The following IGSF21 variants were observed in gnomAD, a reference collection of about 807,000 sequenced individuals.
The protein encoded by IGSF21 is immunoglobulin superfamily member 21.
Under a neutral mutation model 46.8 loss-of-function variants are expected in IGSF21, and 28 were observed. The ratio of observed to expected loss-of-function variants is 0.60; its 90% confidence interval spans 0.44 to 0.82. The LOEUF is 0.82. Ranked by LOEUF, IGSF21 falls within the 40% of genes least tolerant of loss-of-function variation. The pLI, the probability that IGSF21 is intolerant of heterozygous loss-of-function variation, is 0.00. For synonymous variants in IGSF21, 284 were observed against 273.6 expected, an observed-to-expected ratio of 1.04 and a Z score of -0.38; for missense variants, 624 against 665.5, an observed-to-expected ratio of 0.94 and a Z score of 0.69.
chr1:18,359,493 AAGGAAGGAAGG>A (rs768007124), intron 4 of IGSF21, among the ~76,000 whole-genome samples: 2 of 133,894 alleles, frequency 1.5e-5, no homozygotes, highest in Non-Finnish European at 3.2e-5. Flanking sequence ...GGAAGGAAGG[AAGGAAGGAAGG>A]AAGGAAGGAA....
chr1:18,354,598 A>G (rs542669893), intron 4 of IGSF21, among the ~76,000 whole-genome samples: 2 of 152,274 alleles, frequency 1.3e-5, no homozygotes, highest in South Asian at 2.1e-4. Context: ...TGCAAACAAT[A>G]TAATTTTGAA....
intron 1 of IGSF21, among the ~76,000 whole-genome samples, chr1:18,189,540 A>C (rs187257770): frequency 9.2e-5 from 14 of 152,078 alleles, no homozygotes; most frequent in Admixed American, 2.6e-4. Flanking sequence ...ACTCACCATG[A>C]TGGAGAATCA....
chr1:18,373,244 C>T (rs1393965366), intron 6 of IGSF21, among the ~76,000 whole-genome samples: 2 of 152,184 alleles, frequency 1.3e-5, no homozygotes, highest in Non-Finnish European at 2.9e-5. Context: ...AGGTGTCAAT[C>T]CTGGGTCTCT....
In IGSF21 at chr1:18,300,090, C is replaced by T. The variant is rs377344401; in HGVS notation, c.305+8103C>T. 8.5e-4 allele frequency among the ~76,000 whole-genome samples: 130 copies of T among 152,204 alleles called. 3 individuals are homozygous for T. The South Asian group carries it at 0.02, about 23-fold the overall frequency. ...AATAAATAAATATAAAATTACATAT[C>T]AACTGAGCAACAAGCCACCCACTGG... On this transcript the variant is annotated intron_variant, in intron 3 of 9. Transcript: ENST00000251296.
At chr1:18,122,086 G>A (rs1431433994) in intron 1 of IGSF21, among the ~76,000 whole-genome samples, 1 of 152,018 alleles carries the variant, frequency 6.6e-6, no homozygotes, top group Non-Finnish European at 1.5e-5. Flanking sequence ...TCTGAGCCTG[G>A]ACACACTGCA....
intron 2 of IGSF21, among the ~76,000 whole-genome samples, chr1:18,278,124 C>A (rs946167859): frequency 2.0e-5 from 3 of 151,662 alleles, no homozygotes; most frequent in Non-Finnish European, 4.4e-5. Context: ...TGGAAGGCAT[C>A]GAATAAATAA....
intron 5 of IGSF21, among the ~76,000 whole-genome samples, chr1:18,364,252 T>C (rs2086134880): frequency 6.6e-6 from 1 of 152,020 alleles, no homozygotes; most frequent in Non-Finnish European, 1.5e-5. Context: ...AACCTGCATT[T>C]AAAGCACTTT....
intron 3 of IGSF21, among the ~76,000 whole-genome samples, chr1:18,316,940 G>A (rs1254397255): frequency 6.6e-6 from 1 of 152,220 alleles, no homozygotes; most frequent in Non-Finnish European, 1.5e-5. Flanking sequence ...TGCTGGGGCT[G>A]CAAGTAGACA....
chr1:18,228,359 C>T (rs960162388), intron 2 of IGSF21, among the ~76,000 whole-genome samples: 1 of 152,156 alleles, frequency 6.6e-6, no homozygotes, highest in Non-Finnish European at 1.5e-5. Flanking sequence ...CATGAGGCTT[C>T]GGATAATGTT....
At chr1:18,263,792 C>A (rs1027555329) in intron 2 of IGSF21, among the ~76,000 whole-genome samples, 37 of 152,130 alleles carry the variant, frequency 2.4e-4, no homozygotes, top group African/African-American at 8.5e-4. Context: ...GACTCTCACA[C>A]GTATTGCATT....
intron 3 of IGSF21, among the ~76,000 whole-genome samples, chr1:18,301,763 C>T (rs917356918): frequency 1.3e-5 from 2 of 152,146 alleles, no homozygotes; most frequent in Non-Finnish European, 2.9e-5. Flanking sequence ...ACCCAGGATG[C>T]TTGGTCCCTC....
chr1:18,216,491 T>C (rs1354729054), intron 1 of IGSF21, among the ~76,000 whole-genome samples: 4 of 152,092 alleles, frequency 2.6e-5, no homozygotes, highest in African/African-American at 9.7e-5. Flanking sequence ...CTGGGTACCT[T>C]AGAGGGACAA....
chr1:18,226,025 A>G (rs2084562777), intron 1 of IGSF21, among the ~76,000 whole-genome samples: 1 of 152,210 alleles, frequency 6.6e-6, no homozygotes, highest in Non-Finnish European at 1.5e-5. Context: ...GTAGATGCAT[A>G]TCATATCAAG....
At chr1:18,354,268 G>A (rs1013719132) in intron 4 of IGSF21, among the ~76,000 whole-genome samples, 10 of 152,226 alleles carry the variant, frequency 6.6e-5, no homozygotes, top group Non-Finnish European at 1.5e-4. Flanking sequence ...GCAAAGTGAA[G>A]AGGGAACCAC....
chr1:18,236,211 T>C (rs1371979874), intron 2 of IGSF21, among the ~76,000 whole-genome samples: 1 of 152,110 alleles, frequency 6.6e-6, no homozygotes, highest in Non-Finnish European at 1.5e-5. Flanking sequence ...GGGGGCAGCT[T>C]CCCCCATACT....
At chr1:18,356,477 A>G (rs117627759) in intron 4 of IGSF21, among the ~76,000 whole-genome samples, 2 of 152,318 alleles carry the variant, frequency 1.3e-5, no homozygotes, top group East Asian at 3.9e-4. Flanking sequence ...ATCTCCTGTG[A>G]ATACAGTGGG....
chr1:18,263,829 A>G (rs1023669435), intron 2 of IGSF21, among the ~76,000 whole-genome samples: 2 of 152,216 alleles, frequency 1.3e-5, no homozygotes, highest in African/African-American at 4.8e-5. Context: ...AAAAAACAAG[A>G]AAATTTTCTC....
chr1:18,284,017 C>T (rs1167189245), intron 2 of IGSF21, among the ~76,000 whole-genome samples: 10 of 152,174 alleles, frequency 6.6e-5, no homozygotes, highest in South Asian at 2.1e-4. Context: ...CTGCAGGAGT[C>T]GGAAACCACA....
At chr1:18,169,523 C>A (rs1003863553) in intron 1 of IGSF21, among the ~76,000 whole-genome samples, 14 of 152,178 alleles carry the variant, frequency 9.2e-5, no homozygotes, top group African/African-American at 3.4e-4. Flanking sequence ...CTCATAAGAC[C>A]CCAAGGAAAT....
Sources: gnomAD v4.1 joint callset for allele counts (sites outside exome capture counted in the v4.1 genomes callset) on GRCh38, gnomAD v4.1.1 for gene constraint, MANE v1.5 for transcripts, NCBI Gene and HGNC (gene_info 2026-07-23, HGNC 2026-07-21) for gene names.